The following ARSG variants were observed in gnomAD, a reference collection of about 807,000 sequenced individuals.
ARSG encodes arylsulfatase G, also known as ASG.
A neutral mutation model predicts 50.5 loss-of-function variants in ARSG; 37 were observed. The observed-to-expected ratio is 0.73, with a 90% CI of 0.56 to 0.96. The LOEUF is 0.96. Ranked by LOEUF, ARSG falls within the 50% of genes least tolerant of loss-of-function variation. ARSG has a pLI of 0.00. For missense variants in ARSG, 629 were observed against 675.3 expected (o/e 0.93, Z 0.76); for synonymous variants, 225 against 254.6 (o/e 0.88, Z 1.11).
intron 2 of ARSG, among the ~76,000 whole-genome samples, chr17:68,320,862 AT>A (rs2077255660): frequency 6.6e-6 from 1 of 152,148 alleles, no homozygotes; most frequent in Non-Finnish European, 1.5e-5. Context: ...AGGCTTATAG[AT>A]GCCTATGTGT....
chr17:68,451,899 C>T, the ARSG span, among the ~76,000 whole-genome samples: 1 of 152,316 alleles, frequency 6.6e-6, no homozygotes, highest in East Asian at 1.9e-4. Context: ...ATATGTGTGC[C>T]TTTCTTCCAC....
chr17:68,427,738 A>C, the ARSG span, among the ~76,000 whole-genome samples: 1 of 152,234 alleles, frequency 6.6e-6, no homozygotes, highest in Admixed American at 6.5e-5. Context: ...CTAGACAAAG[A>C]TTAGTCCTCT....
downstream of ARSG, chr17:68,427,327 A>G (rs1462760367): frequency 1.8e-6 from 2 of 1,106,570 alleles, no homozygotes; most frequent in African/African-American, 3.1e-5. Context: ...CCAAAGGAAA[A>G]GCATGAAGAA....
At chr17:68,391,153 A>G (rs1212786515) in intron 9 of ARSG, among the ~76,000 whole-genome samples, 1 of 152,030 alleles carries the variant, frequency 6.6e-6, no homozygotes, top group East Asian at 1.9e-4. Flanking sequence ...TGCCCTTGGT[A>G]GCCTTAGTAG....
the ARSG span, among the ~76,000 whole-genome samples, chr17:68,444,995 A>C: frequency 1.4e-5 from 2 of 140,684 alleles, no homozygotes; most frequent in East Asian, 4.1e-4. Flanking sequence ...ATCTCAGCTC[A>C]CTGCAACCTC....
At position 68,356,803 on chromosome 17, in the gene ARSG, A is replaced by G. The variant is rs2079054595; in HGVS notation, c.703A>G (p.Ser235Gly). 2 of 1,614,054 alleles carry G rather than the reference A, an allele frequency of 1.2e-6. No homozygotes were observed. Among genetic ancestry groups the G allele is most frequent in the African/African-American group, 1.3e-5 (1 of 74,914 alleles). Residue 235 changes from serine (S) to glycine (G), a missense_variant and splice_region_variant, in exon 6 of 12, where the codon AGC becomes GGC. Coordinates refer to ENST00000621439, the MANE Select transcript of ARSG (RefSeq NM_001267727.2). ...AGCAACCCAGTTCATCCAGCGTGCAAGGTGAGGAGTCTCCCTCCCTCCGCA... is the reference window on the plus strand; with the variant it reads ...AGCAACCCAGTTCATCCAGCGTGCAGGGTGAGGAGTCTCCCTCCCTCCGCA... ...EKATQFIQRA[S>G]TSGRPFLLYV...
At chr17:68,326,412 A>T (rs2145931912) in intron 2 of ARSG, among the ~76,000 whole-genome samples, 1 of 152,334 alleles carries the variant, frequency 6.6e-6, no homozygotes, top group South Asian at 2.1e-4. Flanking sequence ...CACACCTGTA[A>T]TTCCAGCACT....
rs1313407755 is a variant in ARSG at position 68,367,693 on chromosome 17, T to A, written c.705-855T>A. ...GCCGAACAACAAGGCCTCTGACAGA[T>A]CCCTGATCTAGATGTTACCTGGTGG... On this transcript the variant is annotated intron_variant, in intron 6 of 11. Coordinates refer to ENST00000621439, the MANE Select transcript of ARSG (RefSeq NM_001267727.2). The surrounding 1 kb of genome is among the most constrained non-coding windows in gnomAD (Gnocchi z 4.5). Among the ~76,000 whole-genome samples the A allele has an allele frequency of 6.6e-6, 1 of 152,144 alleles. No individual in the cohort carries two copies. Among genetic ancestry groups the A allele is most frequent in the Non-Finnish European group, 1.5e-5 (1 of 68,026 alleles).
chr17:68,450,798 A>G, the ARSG span: 5 of 1,613,938 alleles, frequency 3.1e-6, no homozygotes, highest in Non-Finnish European at 4.2e-6. Context: ...GCCTTTCTTG[A>G]AGTGATACAC....
In ARSG at chr17:68,395,176, T is replaced by C. The variant is rs2081185051; in HGVS notation, c.1195T>C (p.Ser399Pro). 5.0e-6 allele frequency: 8 copies of C among 1,614,038 alleles called. No individual in the cohort carries two copies. Among genetic ancestry groups the C allele is most frequent in the Non-Finnish European group, 6.8e-6 (8 of 1,179,928 alleles). The change falls in exon 10 of 12, where the codon TCA becomes CCA. Residue 399 changes from serine to proline, a missense_variant. Ser to Pro is a moderately conservative substitution (Grantham distance 74, BLOSUM62 -1). Transcript: ENST00000621439. ...VDVSEVLFGR[S>P]QPGHRVLFHP... ...CGTCTCCGAGGTGCTCTTTGGCCGGTCACAGCCTGGGCACAGGGTAAGTGG... is the reference window on the plus strand; with the variant it reads ...CGTCTCCGAGGTGCTCTTTGGCCGGCCACAGCCTGGGCACAGGGTAAGTGG...
chr17:68,273,840 A>ATAGT, intron 1 of ARSG: 1 of 1,454,992 alleles, frequency 6.9e-7, no homozygotes, highest in Admixed American at 2.0e-5. Context: ...AGAAAGAAAT[A>ATAGT]TAGTTTGGCT....
intron 1 of ARSG, chr17:68,270,855 A>G (rs1482997606): frequency 6.2e-7 from 1 of 1,611,548 alleles, no homozygotes. Context: ...GGGGCGGTCC[A>G]GCCAGTCCTG....
At chr17:68,325,795 G>T (rs1568470137) in intron 2 of ARSG, among the ~76,000 whole-genome samples, 1 of 152,146 alleles carries the variant, frequency 6.6e-6, no homozygotes, top group Admixed American at 6.5e-5. Flanking sequence ...TATTCCAGAG[G>T]GGGAGAAAAG....
chr17:68,362,360 A>G (rs1047762971), intron 6 of ARSG, among the ~76,000 whole-genome samples: 13 of 151,972 alleles, frequency 8.6e-5, no homozygotes, highest in Admixed American at 8.5e-4. Flanking sequence ...GCAGAGACGG[A>G]TCTCTAGTGA....
chr17:68,268,738 C>T (rs3194532), intron 1 of ARSG: 13 of 211,410 alleles, frequency 6.1e-5, no homozygotes, highest in African/African-American at 2.6e-4. Context: ...ATTTATCCCA[C>T]GTGAAAGCTT....
chr17:68,322,345 C>A (rs1314230711), intron 2 of ARSG, among the ~76,000 whole-genome samples: 5 of 152,146 alleles, frequency 3.3e-5, no homozygotes, highest in Non-Finnish European at 7.4e-5. Context: ...TGTACGATAG[C>A]TGGCCGGGCG....
the ARSG span, among the ~76,000 whole-genome samples, chr17:68,443,444 T>C: frequency 1.3e-5 from 2 of 152,178 alleles, no homozygotes; most frequent in African/African-American, 2.4e-5. Context: ...CCTTTTGCCA[T>C]AGCTGAAATG....
chr17:68,390,363 G>A (rs927593455), intron 9 of ARSG, among the ~76,000 whole-genome samples: 3 of 152,118 alleles, frequency 2.0e-5, no homozygotes, highest in African/African-American at 7.2e-5. Context: ...AGAGCCTGGG[G>A]TGACCAGAGC....
At chr17:68,417,571 C>T (rs556002740) in intron 11 of ARSG, among the ~76,000 whole-genome samples, 1 of 151,922 alleles carries the variant, frequency 6.6e-6, no homozygotes, top group Admixed American at 6.6e-5. Flanking sequence ...CAGTTCAGGG[C>T]TTCCCTACTC....
Sources: gnomAD v4.1 joint callset for allele counts (sites outside exome capture counted in the v4.1 genomes callset) on GRCh38, gnomAD v4.1.1 for gene constraint, Gnocchi (gnomAD v3.1) non-coding constraint, MANE v1.5 for transcripts, NCBI Gene and HGNC (gene_info 2026-07-23, HGNC 2026-07-21) for gene names.